The following RASSF3 variants were observed in gnomAD, a reference collection of about 807,000 sequenced individuals.
RASSF3 encodes ras association domain-containing protein 3.
Under a neutral mutation model 19.9 loss-of-function variants are expected in RASSF3, and 19 were observed. That is an observed-to-expected ratio of 0.96 (90% CI 0.67 to 1.40). The LOEUF (loss-of-function observed/expected upper bound fraction) is 1.40, where lower values mean the gene tolerates loss of function less well. Ranked by LOEUF, RASSF3 falls within the 40% of genes most tolerant of loss-of-function variation. RASSF3 has a pLI of 0.00. For synonymous variants in RASSF3, 110 were observed against 104.2 expected (o/e 1.06, Z -0.34); for missense variants, 306 against 289.8 (o/e 1.06, Z -0.41).
intron 2 of RASSF3, among the ~76,000 whole-genome samples, chr12:64,552,722 C>T (rs1249827052): frequency 6.6e-6 from 1 of 152,200 alleles, no homozygotes; most frequent in African/African-American, 2.4e-5. Context: ...CTTTATATGG[C>T]TGCATAGTAT....
chr12:64,662,017 A>G (rs930927494), intron 1 of RASSF3, among the ~76,000 whole-genome samples: 4 of 150,884 alleles, frequency 2.7e-5, no homozygotes, highest in South Asian at 2.1e-4. Context: ...TGTATTAAGC[A>G]CCAGCTGTGT....
intron 1 of RASSF3, among the ~76,000 whole-genome samples, chr12:64,612,278 C>G (rs987525989): frequency 6.6e-6 from 1 of 152,074 alleles, no homozygotes; most frequent in Non-Finnish European, 1.5e-5. Flanking sequence ...CACCACTTGA[C>G]ATGAAAAGGA....
upstream of RASSF3, among the ~76,000 whole-genome samples, chr12:64,610,162 C>A (rs2136151615): frequency 6.6e-6 from 1 of 152,328 alleles, no homozygotes; most frequent in East Asian, 1.9e-4. Flanking sequence ...GAAACTCGAG[C>A]CAGCGAGGCT....
intron 1 of RASSF3, among the ~76,000 whole-genome samples, chr12:64,643,669 T>C (rs1871628768): frequency 6.6e-6 from 1 of 152,160 alleles, no homozygotes. Context: ...CTCTGGGTGA[T>C]AGGACAATCT....
chr12:64,563,869 A>G (rs1869386907), intron 2 of RASSF3, among the ~76,000 whole-genome samples: 1 of 152,088 alleles, frequency 6.6e-6, no homozygotes. Context: ...TAGTTTCTTC[A>G]TATGACTTAC....
rs1868279549 is a variant in RASSF3 at position 64,691,496 on chromosome 12, G to A, written c.484G>A (p.Glu162Lys). Residue 162 changes from glutamate (E) to lysine (K), a missense_variant, in exon 4 of 5, where the codon GAA becomes AAA. Glu to Lys is a moderately conservative substitution (Grantham distance 56). Coordinates refer to ENST00000542104, the MANE Select transcript of RASSF3 (RefSeq NM_178169.4). ...CTACGCCTGCAAGCTCTCAGACCGG[G>A]AACATCCACTCTACCTGCGTTTGGT... ...QVYACKLSDREHPLYLRLVAG... is the reference protein window; with the variant it reads ...QVYACKLSDRKHPLYLRLVAG... 1 of 1,613,928 alleles carries A rather than the reference G, an allele frequency of 6.2e-7. No individual in the cohort carries two copies. Among genetic ancestry groups the A allele is most frequent in the Non-Finnish European group, 8.5e-7 (1 of 1,179,828 alleles).
At chr12:64,559,729 G>A (rs1488140998) in intron 2 of RASSF3, among the ~76,000 whole-genome samples, 1 of 152,164 alleles carries the variant, frequency 6.6e-6, no homozygotes, top group Non-Finnish European at 1.5e-5. Flanking sequence ...TCCTTATCAG[G>A]GGCCTGTGTC....
chr12:64,639,091 C>G (rs1871423017), intron 1 of RASSF3, among the ~76,000 whole-genome samples: 1 of 152,180 alleles, frequency 6.6e-6, no homozygotes, highest in African/African-American at 2.4e-5. Flanking sequence ...CTTCAGTTCT[C>G]TCTTTGAAAT....
chr12:64,631,536 AATGTATGTATGTATGT>A (rs10532504), intron 1 of RASSF3, among the ~76,000 whole-genome samples: 253 of 146,566 alleles, frequency 1.7e-3, no homozygotes, highest in African/African-American at 4.3e-3. Context: ...CATCGTATGT[AATGTATGTATGTATGT>A]ATGTATGTAT....
At chr12:64,514,909 A>T (rs993437843) in intron 1 of RASSF3, among the ~76,000 whole-genome samples, 1 of 151,974 alleles carries the variant, frequency 6.6e-6, no homozygotes, top group African/African-American at 2.4e-5. Context: ...ACTAATTTGT[A>T]CTACCTTGTT....
chr12:64,532,082 C>T (rs1051283724), upstream of RASSF3, among the ~76,000 whole-genome samples: 6 of 152,110 alleles, frequency 3.9e-5, no homozygotes, highest in Admixed American at 1.3e-4. Context: ...GACAGCTACC[C>T]GCAGATTTCT....
intron 1 of RASSF3, among the ~76,000 whole-genome samples, chr12:64,524,288 T>C (rs564074035): frequency 6.6e-6 from 1 of 151,758 alleles, no homozygotes; most frequent in South Asian, 2.1e-4. Flanking sequence ...GATTTCACCA[T>C]GTTGGCCAGG....
At chr12:64,567,155 G>A (rs1470728960) in intron 2 of RASSF3, among the ~76,000 whole-genome samples, 3 of 152,350 alleles carry the variant, frequency 2.0e-5, no homozygotes, top group Admixed American at 6.5e-5. Context: ...AGACAAAGGC[G>A]TGGGTGACCA....
upstream of RASSF3, among the ~76,000 whole-genome samples, chr12:64,532,522 C>A (rs543659329): frequency 2.0e-5 from 3 of 152,084 alleles, no homozygotes; most frequent in South Asian, 4.1e-4. Context: ...ACTTTTCATA[C>A]TTATCGCAAC....
Position 64,688,430 on chromosome 12 carries a change from A to T in RASSF3, c.434A>T (p.Lys145Met). Residue 145 changes from lysine to methionine, a missense_variant, in exon 3 of 5, where the codon AAG becomes ATG. Physicochemically the swap from Lys to Met is moderately conservative, Grantham distance 95. Coordinates refer to ENST00000542104, the MANE Select transcript of RASSF3 (RefSeq NM_178169.4). ...AGCCCTGCCAAGTTTGCACTTTATA[A>T]GCGTTGTCACAGGGAAGACCAAGGT... is the stretch of plus-strand genomic sequence containing the variant. ...TESPAKFALY[K>M]RCHREDQVYA... The T allele has an allele frequency of 1.9e-6, 3 of 1,614,040 alleles. No individual in the cohort carries two copies. In the South Asian group the frequency reaches 3.3e-5, roughly 18 times the overall value.
At chr12:64,636,939 T>TTA (rs1871347524) in intron 1 of RASSF3, among the ~76,000 whole-genome samples, 1 of 151,818 alleles carries the variant, frequency 6.6e-6, no homozygotes, top group Non-Finnish European at 1.5e-5. Flanking sequence ...GCTTGCAGTA[T>TTA]TATTGAGTAT....
intron 4 of RASSF3, among the ~76,000 whole-genome samples, chr12:64,694,130 C>G (rs1424447688): frequency 6.6e-6 from 1 of 152,136 alleles, no homozygotes; most frequent in Non-Finnish European, 1.5e-5. Flanking sequence ...TAGAGTCTTT[C>G]AGACAGCATC....
intron 1 of RASSF3, among the ~76,000 whole-genome samples, chr12:64,613,781 AC>A (rs1269688796): frequency 6.6e-6 from 1 of 151,786 alleles, no homozygotes; most frequent in Non-Finnish European, 1.5e-5. Flanking sequence ...CCCTGTCTCT[AC>A]AAAAAAAATG....
At chr12:64,679,235 A>C (rs1353335144) in intron 1 of RASSF3, among the ~76,000 whole-genome samples, 1 of 151,994 alleles carries the variant, frequency 6.6e-6, no homozygotes, top group African/African-American at 2.4e-5. Context: ...TAATTTTTGT[A>C]TTTTTTGTAG....
Sources: gnomAD v4.1 joint callset for allele counts (sites outside exome capture counted in the v4.1 genomes callset) on GRCh38, gnomAD v4.1.1 for gene constraint, MANE v1.5 for transcripts, NCBI Gene and HGNC (gene_info 2026-07-23, HGNC 2026-07-21) for gene names.